Variants in CDH2 observed in about 807,000 individuals in gnomAD.
CDH2 encodes cadherin 2.
A neutral mutation model predicts 92.0 loss-of-function variants in CDH2; 17 were observed. The ratio of observed to expected loss-of-function variants is 0.18; its 90% CI spans 0.13 to 0.28. CDH2 has a LOEUF of 0.28. CDH2 is among the 10% of genes least tolerant of loss of function. The pLI, the probability that CDH2 is intolerant of heterozygous loss-of-function variation, is 1.00. For missense variants in CDH2, 862 were observed against 1,133.1 expected (o/e 0.76, Z 3.44); for synonymous variants, 419 against 415.9 (o/e 1.01, Z -0.09).
At chr18:28,110,905 C>T (rs1362061787) in intron 2 of CDH2, among the ~76,000 whole-genome samples, 2 of 152,064 alleles carry the variant, frequency 1.3e-5, no homozygotes, top group Non-Finnish European at 2.9e-5. Context: ...CCAAGCCACG[C>T]TCTCTCCGGG....
intron 2 of CDH2, among the ~76,000 whole-genome samples, chr18:28,034,449 T>A (rs1432293110): frequency 6.6e-6 from 1 of 152,086 alleles, no homozygotes; most frequent in East Asian, 1.9e-4. Flanking sequence ...TTCTGGTTTT[T>A]AAACAGTTAT....
chr18:27,999,012 T>C (rs533697114), intron 7 of CDH2, among the ~76,000 whole-genome samples: 12 of 152,352 alleles, frequency 7.9e-5, no homozygotes, highest in African/African-American at 2.9e-4. Context: ...GGAATCCAGA[T>C]ATACTTTCTG....
chr18:28,012,025 C>G, intron 3 of CDH2, 33 bp from the exon 4 acceptor site: 1 of 1,567,314 alleles, frequency 6.4e-7, no homozygotes, highest in South Asian at 1.1e-5. Flanking sequence ...TTCCTGAGTA[C>G]TAGGAAACAC....
At chr18:28,142,821 A>G (rs372577668) in intron 2 of CDH2, among the ~76,000 whole-genome samples, 1 of 152,168 alleles carries the variant, frequency 6.6e-6, no homozygotes, top group East Asian at 1.9e-4. Context: ...TCAAAATAAA[A>G]ATATACATAA....
At chr18:28,119,486 G>A (rs546700137) in intron 2 of CDH2, among the ~76,000 whole-genome samples, 1 of 152,202 alleles carries the variant, frequency 6.6e-6, no homozygotes, top group South Asian at 2.1e-4. Flanking sequence ...TCTAGAATTT[G>A]AGATCATCAG....
chr18:28,047,136 AC>A (rs1172332399), intron 2 of CDH2, among the ~76,000 whole-genome samples: 6 of 152,170 alleles, frequency 3.9e-5, no homozygotes, highest in Non-Finnish European at 8.8e-5. Flanking sequence ...CAAACAAATT[AC>A]CGTCACTTCC....
chr18:27,975,143 AC>A (rs551065778), intron 14 of CDH2, among the ~76,000 whole-genome samples: 195 of 152,290 alleles, frequency 1.3e-3, no homozygotes, highest in Non-Finnish European at 2.1e-3. Context: ...GCTGGGCCTT[AC>A]CTGGAGAGAC....
intron 1 of CDH2, among the ~76,000 whole-genome samples, chr18:28,148,376 T>C (rs983179171): frequency 6.6e-6 from 1 of 152,212 alleles, no homozygotes; most frequent in Non-Finnish European, 1.5e-5. Flanking sequence ...TAAAGATTAA[T>C]ACAACTATGT....
At chr18:28,018,657 T>C (rs988586520) in intron 2 of CDH2, among the ~76,000 whole-genome samples, 1 of 151,194 alleles carries the variant, frequency 6.6e-6, no homozygotes. Context: ...ATGGCCATAA[T>C]AAAAAAAATA....
At chr18:28,038,547 C>T (rs2013885893) in intron 2 of CDH2, among the ~76,000 whole-genome samples, 1 of 151,820 alleles carries the variant, frequency 6.6e-6, no homozygotes, top group Non-Finnish European at 1.5e-5. Flanking sequence ...GCAGGAGCTT[C>T]CCCAGTTCAA....
chr18:27,973,056 T>C (rs544950157), intron 14 of CDH2, among the ~76,000 whole-genome samples: 1 of 152,212 alleles, frequency 6.6e-6, no homozygotes, highest in South Asian at 2.1e-4. Context: ...ACAAACTGAA[T>C]TGTCAACCCT....
At chr18:28,165,373 T>C (rs544135177) in intron 1 of CDH2, among the ~76,000 whole-genome samples, 215 of 152,220 alleles carry the variant, frequency 1.4e-3, no homozygotes, top group African/African-American at 4.9e-3. Context: ...TTATTTTTTG[T>C]AGAGAGGGAG....
At chr18:28,013,947 T>G in intron 2 of CDH2, 38 bp from the exon 3 acceptor site, 1 of 1,510,750 alleles carries the variant, frequency 6.6e-7, no homozygotes, top group Non-Finnish European at 9.0e-7. Flanking sequence ...ATTATAATTA[T>G]ACCAAAAAGG....
intron 14 of CDH2, among the ~76,000 whole-genome samples, chr18:27,967,168 A>G (rs1004298024): frequency 3.0e-4 from 45 of 152,238 alleles, no homozygotes; most frequent in African/African-American, 1.1e-3. Flanking sequence ...CATGGCTTAG[A>G]GTGTCTCTGT....
chr18:28,081,720 C>G (rs1410218145), intron 2 of CDH2, among the ~76,000 whole-genome samples: 1 of 152,144 alleles, frequency 6.6e-6, no homozygotes, highest in Non-Finnish European at 1.5e-5. Context: ...GATGATGTTG[C>G]ATTTATAAAA....
Position 27,984,899 on chromosome 18 carries a change from G to T in CDH2, c.2209+101C>A, listed in dbSNP as rs1172639105. On this transcript the variant is annotated intron_variant, in intron 13 of 15. Coordinates refer to ENST00000269141, the MANE Select transcript of CDH2 (RefSeq NM_001792.5). ...GGCGAGGAAATGCTGAAAGGTCAAA[G>T]GGTTGTTAGACTACTTTGCCAGGCA... 3.6e-6 allele frequency: 3 copies of T among 834,464 alleles called. No individual in the cohort carries two copies. In the East Asian group the frequency reaches 7.9e-5, roughly 22 times the overall value. 51.7% of individuals were successfully genotyped at this position (834,464 alleles called of 1,614,324 possible). A position where few individuals can be genotyped will look rare whatever the true frequency, so the allele number is the denominator to read the frequency against.
rs2013654927 is a variant in CDH2, at chr18:28,030,090, C to G, written c.173-16181G>C. Among the ~76,000 whole-genome samples, 4 of 151,956 alleles carry G rather than the reference C, an allele frequency of 2.6e-5. No individual in the cohort carries two copies. In the South Asian group the frequency reaches 8.3e-4, roughly 32 times the overall value. On this transcript the variant is annotated intron_variant, in intron 2 of 15. Coordinates refer to ENST00000269141, the MANE Select transcript of CDH2 (RefSeq NM_001792.5). The stretch of plus-strand genomic sequence containing the variant: ...CTTATAATGTCCTGATAAATAGATG[C>G]AATAAGCAGACTAGTCTGAATTACA...
intron 14 of CDH2, among the ~76,000 whole-genome samples, chr18:27,978,023 C>T (rs973230205): frequency 5.3e-5 from 8 of 152,068 alleles, no homozygotes; most frequent in Non-Finnish European, 8.8e-5. Context: ...CTTCACACTA[C>T]AAAGAAACAG....
At chr18:28,112,136 A>G (rs1423144732) in intron 2 of CDH2, among the ~76,000 whole-genome samples, 1 of 152,202 alleles carries the variant, frequency 6.6e-6, no homozygotes, top group African/African-American at 2.4e-5. Context: ...GTATTTGGAA[A>G]GTTTAGTCAT....
Sources: gnomAD v4.1 joint callset for allele counts (sites outside exome capture counted in the v4.1 genomes callset) on GRCh38, gnomAD v4.1.1 for gene constraint, MANE v1.5 for transcripts, NCBI Gene and HGNC (gene_info 2026-07-23, HGNC 2026-07-21) for gene names.